The following ATP6AP2 variants were observed in gnomAD, a reference collection of about 807,000 sequenced individuals.
ATP6AP2 encodes renin receptor.
A neutral mutation model predicts 23.4 loss-of-function variants in ATP6AP2; 1 was observed. That is an observed-to-expected ratio of 0.04 (90% CI 0.02 to 0.20). ATP6AP2 has a LOEUF of 0.20. ATP6AP2 is among the 10% of genes least tolerant of loss of function. The pLI is 1.00. For synonymous variants in ATP6AP2, 90 were observed against 97.1 expected, an observed-to-expected ratio of 0.93 and a Z score of 0.43; for missense variants, 174 against 271.3, an observed-to-expected ratio of 0.64 and a Z score of 2.52.
intron 1 of ATP6AP2, among the ~76,000 whole-genome samples, chrX:40,587,959 T>A (rs1926520115): frequency 8.8e-6 from 1 of 113,009 alleles, no homozygotes; most frequent in Admixed American, 9.3e-5. Flanking sequence ...TACAAAAAGC[T>A]CAGGGGCTCT....
chrX:40,584,364 C>CTT lies in ATP6AP2; in HGVS notation c.37+3278_37+3279dup, dbSNP rs35576735. 1.4e-3 allele frequency among the ~76,000 whole-genome samples: 124 copies of CTT among 87,268 alleles called. 1 individual carries two copies. The highest frequency in any genetic ancestry group is 4.8e-3 in the African/African-American group (115 of 23,720). The allele number at this position is 87,268 out of a possible 115,157, so 75.8% of individuals were successfully genotyped here. On this transcript the variant is annotated intron_variant, in intron 1 of 8. Transcript: ENST00000636580. Reference sequence around the variant, plus strand: ...GTGAGCCATCGCACCCAGCCTCTATCTTTTTTTTTTTTTTTTTCCTTTTTT... The same window carrying CTT: ...GTGAGCCATCGCACCCAGCCTCTATCTTTTTTTTTTTTTTTTTTTCCTTTTTT...
intron 3 of ATP6AP2, among the ~76,000 whole-genome samples, chrX:40,596,196 A>T (rs1222385920): frequency 9.1e-6 from 1 of 110,341 alleles, no homozygotes; most frequent in Non-Finnish European, 1.9e-5. Flanking sequence ...AAAAAATGTG[A>T]TGCTGGGATT....
At position 40,591,360 on chromosome X, in the gene ATP6AP2, G is replaced by A; in HGVS notation, c.295G>A (p.Glu99Lys). ...PPGSVISYPL[E>K]NAVPFSLDSV... ...AGGCAGTGTCATTTCGTACCCTTTG[G>A]AGAATGTGAGTATTTATTATAAAAA... Residue 99 changes from glutamate (E) to lysine (K), a missense_variant, in exon 3 of 9, where the codon GAG (glutamate) becomes AAG (lysine). Coordinates refer to ENST00000636580, the MANE Select transcript of ATP6AP2 (RefSeq NM_005765.3). 2 of 1,210,335 alleles carry A rather than the reference G, an allele frequency of 1.7e-6. No individual in the cohort carries two copies. Among genetic ancestry groups the A allele is most frequent in the African/African-American group, 3.5e-5 (2 of 57,744 alleles).
chrX:40,593,412 G>A (rs1264280414), intron 3 of ATP6AP2, among the ~76,000 whole-genome samples: 1 of 111,520 alleles, frequency 9.0e-6, no homozygotes, highest in Non-Finnish European at 1.9e-5. Flanking sequence ...TTAACATAAT[G>A]TCCTCCAGGT....
At chrX:40,596,700 C>T (rs1212685470) in intron 3 of ATP6AP2, among the ~76,000 whole-genome samples, 1 of 111,767 alleles carries the variant, frequency 8.9e-6, no homozygotes, top group Non-Finnish European at 1.9e-5. Context: ...ATCAACATGT[C>T]CTAAGATAAA....
intron 8 of ATP6AP2, among the ~76,000 whole-genome samples, chrX:40,603,636 C>G (rs1926996118): frequency 8.9e-6 from 1 of 111,770 alleles, no homozygotes; most frequent in Admixed American, 9.5e-5. Context: ...CCCATTTCTC[C>G]CACCTCATTT....
At position 40,597,680 on chromosome X, in the gene ATP6AP2, C is replaced by T. The variant is rs750200667; in HGVS notation, c.534+16C>T. The stretch of plus-strand genomic sequence containing the variant: ...GAACAATGAAGTAAGTGCAGTTATT[C>T]AATGAATACATGAATATCATTAATT... On this transcript the variant is annotated intron_variant, in intron 5 of 8. Transcript: ENST00000636580. 3 of 1,181,375 alleles carry T rather than the reference C, an allele frequency of 2.5e-6. No homozygotes were observed. In the African/African-American group the frequency reaches 5.3e-5, roughly 21 times the overall value.
At chrX:40,588,866 A>C (rs1199840697) in intron 1 of ATP6AP2, 120 bp from the exon 2 acceptor site, 1 of 791,876 alleles carries the variant, frequency 1.3e-6, no homozygotes, top group East Asian at 3.4e-5. Flanking sequence ...CATTTTGACC[A>C]GTCATAATTT....
At chrX:40,598,085 G>T in intron 5 of ATP6AP2, 1 of 187,751 alleles carries the variant, frequency 5.3e-6, no homozygotes, top group African/African-American at 3.0e-5. Context: ...GAGCTGTGTG[G>T]ATCTGGTAAC....
chrX:40,597,449 A>C, intron 4 of ATP6AP2, 78 bp from the exon 5 acceptor site: 6 of 1,095,216 alleles, frequency 5.5e-6, no homozygotes, highest in Non-Finnish European at 7.6e-6. Flanking sequence ...TAATTTATGA[A>C]CAATGTTGTC....
Position 40,597,199 on chromosome X carries a change from C to T in ATP6AP2, c.301-50C>T, listed in dbSNP as rs759926863. On this transcript the variant is annotated intron_variant, in intron 3 of 8. Transcript: ENST00000636580. The stretch of plus-strand genomic sequence containing the variant: ...TTTAAATACCATCTGAATGATTTTT[C>T]TTCCCACTTTGGTTCACATAATAAT... The T allele has an allele frequency of 3.5e-5, 33 of 953,196 alleles. No homozygotes were observed. The South Asian group carries it at 6.4e-4, about 18-fold the overall frequency. 78.6% of individuals were successfully genotyped at this position (953,196 alleles called of 1,213,427 possible).
rs190949010 is a variant in ATP6AP2 at position 40,585,577 on chromosome X, G to A, written c.38-3409G>A. ...TGGGCTTGGAAGGTGTGGGCGGCCA[G>A]GTGGGGTGGCTCACGCCTGTAATCC... On this transcript the variant is annotated intron_variant, in intron 1 of 8. Coordinates refer to ENST00000636580, the MANE Select transcript of ATP6AP2 (RefSeq NM_005765.3). Among the ~76,000 whole-genome samples the A allele has an allele frequency of 5.7e-3, 637 of 111,979 alleles. 4 individuals carry two copies. The highest frequency in any genetic ancestry group is 0.014 in the Middle Eastern group (3 of 219).
chrX:40,598,422 A>G, intron 5 of ATP6AP2: 1 of 380,792 alleles, frequency 2.6e-6, no homozygotes, highest in Non-Finnish European at 4.6e-6. Flanking sequence ...GAGAACTTGG[A>G]TGCTTTATCA....
intron 1 of ATP6AP2, among the ~76,000 whole-genome samples, chrX:40,586,079 C>T (rs1384483133): frequency 9.1e-6 from 1 of 110,304 alleles, no homozygotes; most frequent in Admixed American, 9.7e-5. Context: ...AGTGAAAGGG[C>T]CAGTGGAGAG....
chrX:40,605,250 CAT>C, intron 8 of ATP6AP2: 1 of 252,069 alleles, frequency 4.0e-6, no homozygotes, highest in Non-Finnish European at 7.1e-6. Flanking sequence ...TATTCTTATA[CAT>C]GTCTCTTGGT....
rs1249762924 is a variant in ATP6AP2 at position 40,600,835 on chromosome X, C to T, written c.812C>T (p.Thr271Ile). Residue 271 changes from threonine to isoleucine, a missense_variant, in exon 8 of 9, where the codon ACC becomes ATC. Transcript: ENST00000636580. ...TTAGTCACTGTCAAGTCATTTGACA[C>T]CTCCCTCATTAGGAAGACAAGGACT... ...VELVTVKSFD[T>I]SLIRKTRTIL... 4 of 1,206,778 alleles carry T rather than the reference C, an allele frequency of 3.3e-6. No homozygotes were observed. The highest frequency in any genetic ancestry group is 1.8e-5 in the South Asian group (1 of 56,825).
chrX:40,589,203 A>C, intron 2 of ATP6AP2, 87 bp downstream of exon 2: 1 of 1,041,263 alleles, frequency 9.6e-7, no homozygotes, highest in South Asian at 1.9e-5. Flanking sequence ...GCATCAAACG[A>C]ACGTAGGTAC....
intron 8 of ATP6AP2, among the ~76,000 whole-genome samples, chrX:40,602,913 C>CTTTTTTTTTTTTT (rs1351897356): frequency 2.2e-5 from 1 of 45,243 alleles, no homozygotes; most frequent in African/African-American, 1.2e-4. Flanking sequence ...CCAGAGAATT[C>CTTTTTTTTTTTTT]TTTTTTTTTT....
chrX:40,601,875 T>A (rs1314610859), intron 8 of ATP6AP2, among the ~76,000 whole-genome samples: 11 of 112,390 alleles, frequency 9.8e-5, no homozygotes, highest in Middle Eastern at 4.6e-3. Context: ...CTAAATTAAA[T>A]TGGGGATGGA....
Sources: allele counts gnomAD v4.1 joint callset (sites outside exome capture counted in the v4.1 genomes callset), GRCh38; gene constraint gnomAD v4.1.1; transcripts MANE v1.5; gene names NCBI Gene and HGNC (gene_info 2026-07-23, HGNC 2026-07-21).